Variants in DOK6 observed in about 807,000 individuals in gnomAD.
DOK6 encodes downstream of tyrosine kinase 6.
In DOK6, 22 loss-of-function variants were observed where a neutral mutation model predicts 44.0. That is an observed-to-expected ratio of 0.50 (90% CI 0.36 to 0.71). The LOEUF (loss-of-function observed/expected upper bound fraction) is 0.71, where lower values mean the gene tolerates loss of function less well. Among genes scored for constraint, DOK6 ranks in the 30% least tolerant of loss-of-function variants. The pLI, the probability that DOK6 is intolerant of heterozygous loss-of-function variation, is 0.00. For synonymous variants in DOK6, 166 were observed against 145.5 expected (o/e 1.14, Z -1.01); for missense variants, 340 against 416.4 (o/e 0.82, Z 1.60).
At chr18:69,491,755 T>A (rs1441640531) in intron 1 of DOK6, among the ~76,000 whole-genome samples, 1 of 152,238 alleles carries the variant, frequency 6.6e-6, no homozygotes, top group African/African-American at 2.4e-5. Context: ...CCTTGGAGAT[T>A]GTTTATTGTA....
chr18:69,837,550 G>A (rs1034283739), intron 7 of DOK6, among the ~76,000 whole-genome samples: 5 of 144,688 alleles, frequency 3.5e-5, no homozygotes, highest in African/African-American at 1.2e-4. Flanking sequence ...TGAGATGGTG[G>A]AGAAAGCGCA....
chr18:69,540,620 T>C (rs1307086225), intron 1 of DOK6, among the ~76,000 whole-genome samples: 3 of 152,222 alleles, frequency 2.0e-5, no homozygotes, highest in Non-Finnish European at 4.4e-5. Flanking sequence ...CTCGACGTCT[T>C]CACATTTATG....
chr18:69,410,376 G>A (rs1451282197), intron 1 of DOK6, among the ~76,000 whole-genome samples: 2 of 152,230 alleles, frequency 1.3e-5, no homozygotes, highest in African/African-American at 4.8e-5. Context: ...TGACACCAGA[G>A]TTGATAATTG....
chr18:69,497,267 C>A (rs1372777), intron 1 of DOK6, among the ~76,000 whole-genome samples: 69,123 of 152,006 alleles, frequency 0.45, 16,144 homozygotes, highest in African/African-American at 0.5. Context: ...CAAAGTCATT[C>A]GAACAGCAGT....
chr18:69,508,772 T>A (rs1361113976), intron 1 of DOK6, among the ~76,000 whole-genome samples: 3 of 152,208 alleles, frequency 2.0e-5, no homozygotes, highest in Non-Finnish European at 4.4e-5. Flanking sequence ...ATGATGCTTA[T>A]GCAGTCTGTC....
chr18:69,607,224 G>C (rs1429972058), intron 3 of DOK6, among the ~76,000 whole-genome samples: 2 of 152,210 alleles, frequency 1.3e-5, no homozygotes, highest in Non-Finnish European at 2.9e-5. Context: ...GGAGTGAGCA[G>C]TTTCCTGGTA....
At chr18:69,759,188 T>G (rs540161850) in intron 7 of DOK6, among the ~76,000 whole-genome samples, 3 of 152,280 alleles carry the variant, frequency 2.0e-5, no homozygotes, top group African/African-American at 7.2e-5. Context: ...GTTTGGCAAT[T>G]TCAAGAATCG....
chr18:69,787,681 C>T lies in DOK6; in HGVS notation c.856+29808C>T, dbSNP rs954952893. 2.6e-5 allele frequency among the ~76,000 whole-genome samples: 4 copies of T among 152,082 alleles called. 1 individual carries two copies. The highest frequency in any genetic ancestry group is 5.9e-5 in the Non-Finnish European group (4 of 68,022). ...CAGAAATCTAGGGCACGCTGCTAAA[C>T]AACCTCAAAGTTAAAAGTGGTTCTA... is the stretch of plus-strand genomic sequence containing the variant. On this transcript the variant is annotated intron_variant, in intron 7 of 7. Coordinates refer to ENST00000382713, the MANE Select transcript of DOK6 (RefSeq NM_152721.6).
Position 69,841,428 on chromosome 18 carries a change from C to G in DOK6, c.*45C>G, listed in dbSNP as rs1171863927. ...GACTAGAGAGACAGTCTGTCCTGGA[C>G]CCGTCTGTGGGGTCATTACCCTCTG... On this transcript the variant is annotated 3_prime_UTR_variant, in exon 8 of 8. Coordinates refer to ENST00000382713, the MANE Select transcript of DOK6 (RefSeq NM_152721.6). 8 of 1,611,336 alleles carry G rather than the reference C, an allele frequency of 5.0e-6. No homozygotes were observed. Among genetic ancestry groups the G allele is most frequent in the East Asian group, 4.5e-5 (2 of 44,796 alleles).
chr18:69,741,991 G>T (rs1568112534), intron 6 of DOK6, among the ~76,000 whole-genome samples: 1 of 152,100 alleles, frequency 6.6e-6, no homozygotes, highest in Non-Finnish European at 1.5e-5. Context: ...CACCATATAA[G>T]ACCTTATTTT....
chr18:69,488,965 T>C (rs1568274189), intron 1 of DOK6, among the ~76,000 whole-genome samples: 1 of 152,248 alleles, frequency 6.6e-6, no homozygotes, highest in Non-Finnish European at 1.5e-5. Context: ...GGTTTCTGAT[T>C]GGCTCAGCTC....
chr18:69,511,226 G>C (rs929141893), intron 1 of DOK6, among the ~76,000 whole-genome samples: 2 of 152,024 alleles, frequency 1.3e-5, no homozygotes, highest in African/African-American at 4.8e-5. Context: ...CATATCATCT[G>C]TTGTTTTTGT....
intron 1 of DOK6, among the ~76,000 whole-genome samples, chr18:69,432,305 G>A (rs1161353392): frequency 1.3e-5 from 2 of 152,128 alleles, no homozygotes; most frequent in Non-Finnish European, 2.9e-5. Flanking sequence ...TTAGCCAGAA[G>A]TGCTGGTATA....
rs573328557 is a variant in DOK6 at position 69,600,581 on chromosome 18, A to G, written c.289+1083A>G. Among the ~76,000 whole-genome samples the G allele has an allele frequency of 1.9e-4, 29 of 152,262 alleles. 1 individual carries two copies. The highest frequency in any genetic ancestry group is 5.3e-4 in the African/African-American group (22 of 41,540). On this transcript the variant is annotated intron_variant, in intron 3 of 7. Transcript: ENST00000382713. ...TGCTGGTGTAATATAATATCATCCA[A>G]TGATTTTTCTGCCTTCCTGTCAGCT...
rs185949964 is a variant in DOK6, at chr18:69,509,079, A to G, written c.67-55408A>G. ...TTAACAATCCTATTACATTTCCACC[A>G]TTTACTCAAGTATAACCATCACCAG... On this transcript the variant is annotated intron_variant, in intron 1 of 7. Transcript: ENST00000382713. 2.5e-3 allele frequency among the ~76,000 whole-genome samples: 380 copies of G among 152,270 alleles called. 1 individual carries two copies. Among genetic ancestry groups the G allele is most frequent in the Non-Finnish European group, 2.5e-3 (169 of 68,010 alleles).
chr18:69,405,281 G>A (rs1916181451), intron 1 of DOK6, among the ~76,000 whole-genome samples: 2 of 152,074 alleles, frequency 1.3e-5, no homozygotes, highest in East Asian at 3.9e-4. Flanking sequence ...GTTCATGAGA[G>A]ATATTTATGA....
At chr18:69,530,386 G>A (rs988698303) in intron 1 of DOK6, among the ~76,000 whole-genome samples, 4 of 152,124 alleles carry the variant, frequency 2.6e-5, no homozygotes, top group Admixed American at 6.5e-5. Context: ...ACCCAAAAAT[G>A]GCATCTACAT....
chr18:69,502,044 A>G (rs4497794), intron 1 of DOK6, among the ~76,000 whole-genome samples: 151,768 of 152,214 alleles, frequency 1, 75,662 homozygotes, highest in East Asian at 1. Flanking sequence ...AGTTGCTTTT[A>G]TTTAATACAT....
intron 6 of DOK6, among the ~76,000 whole-genome samples, chr18:69,751,090 A>G (rs1361938695): frequency 6.6e-6 from 1 of 152,218 alleles, no homozygotes; most frequent in Non-Finnish European, 1.5e-5. Flanking sequence ...AAATGTGGCT[A>G]CAAAGGCTAG....
Sources: allele counts gnomAD v4.1 joint callset (sites outside exome capture counted in the v4.1 genomes callset), GRCh38; gene constraint gnomAD v4.1.1; transcripts MANE v1.5; gene names NCBI Gene and HGNC (gene_info 2026-07-23, HGNC 2026-07-21).